LIPC: variants seen among roughly 807,000 people sequenced by gnomAD.
The protein encoded by LIPC is hepatic triacylglycerol lipase.
In LIPC, 44 loss-of-function variants were observed where a neutral mutation model predicts 50.7. The observed-to-expected ratio is 0.87, with a 90% confidence interval of 0.68 to 1.11. LIPC has a LOEUF of 1.11. Ranked by LOEUF, LIPC falls within the 50% of genes most tolerant of loss-of-function variation. The pLI is 0.00. For synonymous variants in LIPC, 271 were observed against 256.4 expected (o/e 1.06, Z -0.54); for missense variants, 697 against 648.2 (o/e 1.08, Z -0.82).
At chr15:58,509,118 T>A (rs1308889909) in intron 1 of LIPC, among the ~76,000 whole-genome samples, 2 of 152,192 alleles carry the variant, frequency 1.3e-5, no homozygotes, top group East Asian at 1.9e-4. Context: ...CAGAATCCTC[T>A]CTTGTTATTG....
intron 6 of LIPC, among the ~76,000 whole-genome samples, chr15:58,553,312 T>TGGCCAGGCAC (rs1893825971): frequency 6.6e-6 from 1 of 152,190 alleles, no homozygotes; most frequent in African/African-American, 2.4e-5. Context: ...GGGGCAGGCA[T>TGGCCAGGCAC]TGGCCAGGCA....
At chr15:58,436,603 G>A (rs187193777) in intron 1 of LIPC, 112 of 383,756 alleles carry the variant, frequency 2.9e-4, no homozygotes, top group African/African-American at 2.2e-3. Context: ...ATAGAGCAGA[G>A]GGTCATTAAA....
chr15:58,503,069 A>G (rs536498958), intron 1 of LIPC, among the ~76,000 whole-genome samples: 1 of 152,198 alleles, frequency 6.6e-6, no homozygotes, highest in East Asian at 1.9e-4. Flanking sequence ...ATAAATATTA[A>G]CTCATTTTAT....
chr15:58,437,333 G>C (rs1893335782), intron 1 of LIPC, among the ~76,000 whole-genome samples: 1 of 151,982 alleles, frequency 6.6e-6, no homozygotes, highest in Non-Finnish European at 1.5e-5. Flanking sequence ...GTAACAACTG[G>C]TCTTGCAGCT....
At position 58,569,475 on chromosome 15, in the gene LIPC, T is replaced by A. The variant is rs1186750088; in HGVS notation, c.*648T>A. ...ATTAAATAAACATAATTATTATATC[T>A]TACTAATGCTTGCAACAAAAGCTAA... On this transcript the variant is annotated 3_prime_UTR_variant, in exon 9 of 9. Transcript: ENST00000299022. 6.6e-6 allele frequency: 1 copy of A among 152,232 alleles called. No homozygotes were observed. Among genetic ancestry groups the A allele is most frequent in the Non-Finnish European group, 1.5e-5 (1 of 68,042 alleles). 9.4% of individuals were successfully genotyped at this position (152,232 alleles called of 1,614,324 possible).
At position 58,545,777 on chromosome 15, in the gene LIPC, G is replaced by GC. The variant is rs1893504280; in HGVS notation, c.615dup (p.Ser206GlnfsTer8). 6.2e-7 allele frequency: 1 copy of GC among 1,614,168 alleles called. No homozygotes were observed. Among genetic ancestry groups the GC allele is most frequent in the Admixed American group, 1.7e-5 (1 of 60,028 alleles). ...CGCGGGACCTTTGTTTGAGGGAAGT[G>GC]CCCCCAGCAATCGTCTTTCTCCAGA... On this transcript the variant is annotated frameshift_variant, in exon 5 of 9. Transcript: ENST00000299022. LOFTEE classifies it high-confidence loss of function.
At chr15:58,540,928 G>A (rs1893296867) in intron 2 of LIPC, among the ~76,000 whole-genome samples, 1 of 152,096 alleles carries the variant, frequency 6.6e-6, no homozygotes, top group Non-Finnish European at 1.5e-5. Context: ...AGACTCTGGA[G>A]TAGCTGGGGC....
At chr15:58,526,366 G>A (rs747868988) in intron 1 of LIPC, among the ~76,000 whole-genome samples, 3 of 152,214 alleles carry the variant, frequency 2.0e-5, no homozygotes, top group African/African-American at 7.2e-5. Context: ...TTAACCGGTA[G>A]CCTAGTTTGG....
At chr15:58,488,423 T>A (rs1286565771) in intron 1 of LIPC, among the ~76,000 whole-genome samples, 2 of 152,242 alleles carry the variant, frequency 1.3e-5, no homozygotes, top group Admixed American at 1.3e-4. Context: ...TATCAATCCC[T>A]GTTAGGCACT....
At chr15:58,480,684 C>T (rs1419267091) in intron 1 of LIPC, among the ~76,000 whole-genome samples, 12 of 152,240 alleles carry the variant, frequency 7.9e-5, no homozygotes, top group African/African-American at 2.7e-4. Context: ...AACACAAATT[C>T]ATAAACTTTC....
chr15:58,515,338 G>C (rs1892451777), intron 1 of LIPC, among the ~76,000 whole-genome samples: 2 of 152,100 alleles, frequency 1.3e-5, no homozygotes, highest in Admixed American at 1.3e-4. Context: ...GCAGAACATA[G>C]CTATTTGGAG....
intron 1 of LIPC, among the ~76,000 whole-genome samples, chr15:58,446,331 A>G (rs988936599): frequency 6.6e-6 from 1 of 152,196 alleles, no homozygotes; most frequent in African/African-American, 2.4e-5. Flanking sequence ...CCTCCTGAGT[A>G]GCTGGAATGA....
intron 1 of LIPC, chr15:58,436,408 T>C (rs1398461232): frequency 8.1e-6 from 2 of 247,610 alleles, no homozygotes; most frequent in East Asian, 2.2e-4. Context: ...AGTTGTAACA[T>C]CTTGTTTGAT....
chr15:58,480,354 G>C (rs537584371), intron 1 of LIPC, among the ~76,000 whole-genome samples: 1 of 152,320 alleles, frequency 6.6e-6, no homozygotes, highest in African/African-American at 2.4e-5. Flanking sequence ...GAGAGCAGCG[G>C]CGCAATCTCG....
At chr15:58,487,396 A>G (rs560925973) in intron 1 of LIPC, among the ~76,000 whole-genome samples, 146 of 152,358 alleles carry the variant, frequency 9.6e-4, no homozygotes, top group African/African-American at 3.3e-3. Flanking sequence ...TAAGCGCTCA[A>G]TAAACCAAAG....
At position 58,474,782 on chromosome 15, in the gene LIPC, C is replaced by T. The variant is rs573054834; in HGVS notation, c.88+42662C>T. Among the ~76,000 whole-genome samples, 7 of 152,266 alleles carry T rather than the reference C, an allele frequency of 4.6e-5. No individual in the cohort carries two copies. In the East Asian group the frequency reaches 1.4e-3, roughly 29 times the overall value. On this transcript the variant is annotated intron_variant, in intron 1 of 8. Transcript: ENST00000299022. Reference sequence around the variant, plus strand: ...AGACCTCAGCTCTCCTCTCAGCATGCAATTCTCCTCCACTCATGGCCCTCC... The same window carrying T: ...AGACCTCAGCTCTCCTCTCAGCATGTAATTCTCCTCCACTCATGGCCCTCC...
intron 1 of LIPC, among the ~76,000 whole-genome samples, chr15:58,458,359 C>G (rs1047772063): frequency 6.6e-6 from 1 of 152,212 alleles, no homozygotes; most frequent in Non-Finnish European, 1.5e-5. Context: ...GAGCCTCCCC[C>G]ACCACGTCCT....
intron 1 of LIPC, among the ~76,000 whole-genome samples, chr15:58,467,098 C>A (rs955223146): frequency 6.6e-6 from 1 of 152,102 alleles, no homozygotes; most frequent in Non-Finnish European, 1.5e-5. Flanking sequence ...CTGATAGTTT[C>A]TTTTGTTTTT....
intron 7 of LIPC, among the ~76,000 whole-genome samples, chr15:58,561,969 G>A (rs1039018569): frequency 1.3e-5 from 2 of 152,128 alleles, no homozygotes; most frequent in African/African-American, 4.8e-5. Flanking sequence ...TTTATTTTTA[G>A]TTTACATGGG....
Sources: allele counts gnomAD v4.1 joint callset (sites outside exome capture counted in the v4.1 genomes callset), GRCh38; gene constraint gnomAD v4.1.1; transcripts MANE v1.5; gene names NCBI Gene and HGNC (gene_info 2026-07-23, HGNC 2026-07-21).